GARNL3: variants seen among roughly 807,000 people sequenced by gnomAD.
The protein encoded by GARNL3 is GTPase-activating Rap/Ran-GAP domain-like protein 3.
A neutral mutation model predicts 125.0 loss-of-function variants in GARNL3; 63 were observed. The ratio of observed to expected loss-of-function variants is 0.50; its 90% CI spans 0.41 to 0.62. The LOEUF is 0.62. Among genes scored for constraint, GARNL3 ranks in the 20% least tolerant of loss-of-function variants. The pLI is 0.00. For missense variants in GARNL3, 994 were observed against 1,244.0 expected (o/e 0.80, Z 3.02); for synonymous variants, 439 against 457.5 (o/e 0.96, Z 0.52).
At chr9:127,292,473 G>C (rs1277404634) in intron 2 of GARNL3, among the ~76,000 whole-genome samples, 1 of 152,220 alleles carries the variant, frequency 6.6e-6, no homozygotes, top group Admixed American at 6.5e-5. Context: ...TCCAGTGCTT[G>C]GAAAGCTAGC....
chr9:127,335,146 G>T, intron 9 of GARNL3, 84 bp from the exon 10 acceptor site: 1 of 924,712 alleles, frequency 1.1e-6, no homozygotes. Context: ...CCTGTATACA[G>T]TATTTCCCTA....
In GARNL3 at chr9:127,322,764, A is replaced by G. The variant is rs187815018; in HGVS notation, c.567+1986A>G. On this transcript the variant is annotated intron_variant, in intron 6 of 27. Transcript: ENST00000373387. ...AAGTAAACCAACTGTGTTATAAAGA[A>G]GGCATCTTTCCACAAAGAGGGAAGG... 3.0e-4 allele frequency among the ~76,000 whole-genome samples: 46 copies of G among 152,334 alleles called. 1 individual carries two copies. The highest frequency in any genetic ancestry group is 3.4e-3 in the Middle Eastern group (1 of 294).
chr9:127,346,147 TC>T (rs1340116342), intron 16 of GARNL3, among the ~76,000 whole-genome samples: 2 of 152,200 alleles, frequency 1.3e-5, no homozygotes, highest in Admixed American at 6.5e-5. Context: ...AACTAGGTGA[TC>T]ATCAAAAATA....
intron 22 of GARNL3, chr9:127,366,794 G>A (rs1390828975): frequency 4.6e-5 from 7 of 152,212 alleles, no homozygotes; most frequent in Non-Finnish European, 8.8e-5. Flanking sequence ...GGAACAGGCC[G>A]GGCTCCTCAC....
In GARNL3 at chr9:127,383,465, C is replaced by T. The variant is rs768924014; in HGVS notation, c.2189C>T (p.Pro730Leu). 4.3e-6 allele frequency: 7 copies of T among 1,612,860 alleles called. No individual in the cohort carries two copies. Among genetic ancestry groups the T allele is most frequent in the African/African-American group, 1.3e-5 (1 of 74,858 alleles). ...AGTTGCATCTATAAAAAGGTTTGCC[C>T]CTTTAATGGTGGCTCTTTTTTGGTT... The part of the protein sequence containing the change: ...NYSCIYKKVC[P>L]FNGGSFLVQP... Residue 730 changes from proline to leucine, a missense_variant, in exon 23 of 28, where the codon CCC (proline) becomes CTC (leucine). Transcript: ENST00000373387.
intron 1 of GARNL3, among the ~76,000 whole-genome samples, chr9:127,274,523 A>C (rs574136062): frequency 6.6e-6 from 1 of 152,092 alleles, no homozygotes; most frequent in Non-Finnish European, 1.5e-5. Context: ...CCTAGAGGCC[A>C]CAGGAGTCTC....
chr9:127,389,287 T>C (rs976837036), intron 26 of GARNL3, among the ~76,000 whole-genome samples, 168 bp downstream of exon 26: 1 of 152,232 alleles, frequency 6.6e-6, no homozygotes, highest in Non-Finnish European at 1.5e-5. Context: ...CACTATAATG[T>C]AGCCACCAAC....
chr9:127,232,538 G>A (rs1415602884), intron 1 of GARNL3, among the ~76,000 whole-genome samples: 1 of 152,136 alleles, frequency 6.6e-6, no homozygotes, highest in African/African-American at 2.4e-5. Flanking sequence ...CGAACTCCTA[G>A]GCTCAAGTGA....
rs1832698200 is a variant in GARNL3 at position 127,389,076 on chromosome 9, G to C, written c.2700G>C (p.Met900Ile). The C allele has an allele frequency of 6.2e-7, 1 of 1,614,066 alleles. No homozygotes were observed. Among genetic ancestry groups the C allele is most frequent in the African/African-American group, 1.3e-5 (1 of 74,904 alleles). The change falls in exon 26 of 28, where the codon ATG becomes ATC. Residue 900 changes from methionine (M) to isoleucine (I), a missense_variant. This residue lies in a region of GARNL3 where 728 missense variants were observed against 865.7 expected (regional missense o/e 0.84). Coordinates refer to ENST00000373387, the MANE Select transcript of GARNL3 (RefSeq NM_032293.5). Reference protein sequence around the residue: ...PVTHSLSLSRMEIKEIASRTR... With the variant: ...PVTHSLSLSRIEIKEIASRTR... ...CGCACTCCTTGTCCCTGTCTCGCAT[G>C]GAGATCAAAGAAATAGCAAGCAGGA...
chr9:127,293,326 T>C (rs2064482708), intron 2 of GARNL3, among the ~76,000 whole-genome samples: 1 of 152,258 alleles, frequency 6.6e-6, no homozygotes, highest in South Asian at 2.1e-4. Context: ...TATTATTCAA[T>C]TGTAAGAGTT....
intron 7 of GARNL3, among the ~76,000 whole-genome samples, chr9:127,328,287 C>T (rs928125495): frequency 2.0e-5 from 3 of 152,130 alleles, no homozygotes; most frequent in African/African-American, 7.2e-5. Flanking sequence ...TGAACAATGG[C>T]CATGATCCTC....
chr9:127,230,534 T>C lies in GARNL3; in HGVS notation c.-29+6196T>C, dbSNP rs866170793. Among the ~76,000 whole-genome samples, 9 of 151,734 alleles carry C rather than the reference T, an allele frequency of 5.9e-5. No individual in the cohort carries two copies. In the South Asian group the frequency reaches 1.2e-3, roughly 21 times the overall value. ...CCGACGTGGTGGCACATGACTGTAA[T>C]CCCAGCTACTCAGGAGGCTGAGGCA... On this transcript the variant is annotated intron_variant, in intron 1 of 10. Coordinates refer to the GARNL3 transcript ENST00000439286.
chr9:127,231,050 A>ATATATATTTTTTTT (rs1161629810), intron 1 of GARNL3, among the ~76,000 whole-genome samples: 2 of 89,580 alleles, frequency 2.2e-5, no homozygotes, highest in African/African-American at 1.6e-4. Flanking sequence ...ATATATATAT[A>ATATATATTTTTTTT]TTTTTTTTTT....
chr9:127,232,176 C>T (rs953245119), intron 1 of GARNL3, among the ~76,000 whole-genome samples: 2 of 152,222 alleles, frequency 1.3e-5, no homozygotes, highest in Non-Finnish European at 1.5e-5. Flanking sequence ...CTCATGGCCA[C>T]TTGCAGTACC....
rs144364338 is a variant in GARNL3 at position 127,339,113 on chromosome 9, C to T, written c.1029-532C>T. ...GAGATCGAGACCATCCTGGCTAACA[C>T]GATGAAACCCCGTCTGTACTAAAAA... is the stretch of plus-strand genomic sequence containing the variant. On this transcript the variant is annotated intron_variant, in intron 12 of 27. Coordinates refer to ENST00000373387, the MANE Select transcript of GARNL3 (RefSeq NM_032293.5). 2.8e-3 allele frequency among the ~76,000 whole-genome samples: 419 copies of T among 151,748 alleles called. 6 individuals carry two copies. Among genetic ancestry groups the T allele is most frequent in the East Asian group, 0.024 (123 of 5,160 alleles).
intron 22 of GARNL3, among the ~76,000 whole-genome samples, chr9:127,382,216 C>T (rs1832300916): frequency 6.6e-6 from 1 of 152,072 alleles, no homozygotes; most frequent in Non-Finnish European, 1.5e-5. Flanking sequence ...AGGAGAATCG[C>T]TTGAACCTGG....
intron 22 of GARNL3, among the ~76,000 whole-genome samples, chr9:127,376,503 T>A (rs934673535): frequency 1.3e-5 from 2 of 152,146 alleles, no homozygotes; most frequent in East Asian, 1.9e-4. Flanking sequence ...CAGGCATGAG[T>A]CACCGTGCTG....
intron 6 of GARNL3, among the ~76,000 whole-genome samples, chr9:127,324,226 G>C (rs1564140420): frequency 6.6e-6 from 1 of 152,174 alleles, no homozygotes; most frequent in East Asian, 1.9e-4. Flanking sequence ...GCTCCAGCCT[G>C]GGGGACAGAG....
chr9:127,309,819 T>C, intron 2 of GARNL3, among the ~76,000 whole-genome samples: 1 of 152,240 alleles, frequency 6.6e-6, no homozygotes, highest in East Asian at 1.9e-4. Context: ...AGGAAACATC[T>C]TTAGCATGAT....
Sources: gnomAD v4.1 joint callset for allele counts (sites outside exome capture counted in the v4.1 genomes callset) on GRCh38, gnomAD v4.1.1 for gene constraint, gnomAD v4.1.1 regional missense constraint, MANE v1.5 for transcripts, NCBI Gene and HGNC (gene_info 2026-07-23, HGNC 2026-07-21) for gene names.